Variants in CAMK2G observed in about 807,000 individuals in gnomAD.
CAMK2G encodes the protein calcium/calmodulin dependent protein kinase II gamma.
Under a neutral mutation model 88.7 loss-of-function variants are expected in CAMK2G, and 23 were observed. The observed-to-expected ratio is 0.26, with a 90% CI of 0.19 to 0.37. CAMK2G has a LOEUF of 0.37. Among genes scored for constraint, CAMK2G ranks in the 10% least tolerant of loss-of-function variants. The pLI is 1.00. For missense variants in CAMK2G, 476 were observed against 780.8 expected (o/e 0.61, Z 4.65); for synonymous variants, 263 against 294.8 (o/e 0.89, Z 1.11).
chr10:73,873,888 GGGTGCCGC>G, intron 1 of CAMK2G, among the ~76,000 whole-genome samples: 1 of 138,068 alleles, frequency 7.2e-6, no homozygotes, highest in Non-Finnish European at 1.6e-5. Flanking sequence ...GAGGGGACGG[GGGTGCCGC>G]AGCACTGCCC....
intron 21 of CAMK2G, 67 bp from the exon 22 acceptor site, chr10:73,815,314 G>A (rs2085027525): frequency 3.9e-6 from 4 of 1,026,976 alleles, no homozygotes; most frequent in Non-Finnish European, 4.5e-6. Context: ...CTCCCAGCCT[G>A]CACTTCCAAG....
At chr10:73,846,891 G>A in intron 10 of CAMK2G, 1 of 246,762 alleles carries the variant, frequency 4.1e-6, no homozygotes, top group South Asian at 7.3e-5. Flanking sequence ...ACCCCAGCTT[G>A]GGAATTCACT....
At chr10:73,817,348 GGA>G in intron 20 of CAMK2G, 129 bp downstream of exon 20, 1 of 814,770 alleles carries the variant, frequency 1.2e-6, no homozygotes, top group East Asian at 2.6e-5. Flanking sequence ...TCCCAGTTTA[GGA>G]GAGGGCTTAA....
intron 3 of CAMK2G, among the ~76,000 whole-genome samples, chr10:73,855,210 C>T (rs903643997): frequency 1.3e-5 from 2 of 152,192 alleles, no homozygotes; most frequent in African/African-American, 4.8e-5. Context: ...ACTTGCGCAC[C>T]TCTGGTCTAA....
intron 1 of CAMK2G, chr10:73,873,436 G>T: frequency 8.8e-7 from 1 of 1,142,108 alleles, no homozygotes. Context: ...GAGAACCAGG[G>T]CAGAAGGGAG....
intron 4 of CAMK2G, chr10:73,852,550 C>T: frequency 1.8e-6 from 1 of 547,322 alleles, no homozygotes; most frequent in South Asian, 2.4e-5. Context: ...CCAAAATGCA[C>T]AGATTCACTA....
chr10:73,873,655 C>G (rs2095933267), intron 1 of CAMK2G: 5 of 374,344 alleles, frequency 1.3e-5, no homozygotes, highest in Non-Finnish European at 1.8e-5. Context: ...TCAAGAACTC[C>G]CCTTCCCATG....
chr10:73,830,269 G>C (rs561521738), intron 14 of CAMK2G, among the ~76,000 whole-genome samples: 2 of 152,242 alleles, frequency 1.3e-5, no homozygotes, highest in South Asian at 4.1e-4. Context: ...GTCTAAATGT[G>C]AGGTCTTTTT....
In CAMK2G at chr10:73,853,010, G is replaced by A. The variant is rs145488484; in HGVS notation, c.275+182C>T. 3.6e-3 allele frequency among the ~76,000 whole-genome samples: 554 copies of A among 152,318 alleles called. 2 individuals are homozygous for A. Among genetic ancestry groups the A allele is most frequent in the Non-Finnish European group, 5.7e-3 (389 of 68,020 alleles). ...CTGGGGTTCAGAGCCCTGGGGGGAC[G>A]CTGGGGGAACATGGAGACCCCCTTG... On this transcript the variant is annotated intron_variant, in intron 4 of 22. Coordinates refer to ENST00000423381, the MANE Select transcript of CAMK2G (RefSeq NM_001367534.1).
In CAMK2G at chr10:73,864,061, G is replaced by A. The variant is rs575546281; in HGVS notation, c.161-3172C>T. Among the ~76,000 whole-genome samples the A allele has an allele frequency of 2.3e-3, 351 of 152,258 alleles. 1 individual carries two copies. Among genetic ancestry groups the A allele is most frequent in the Non-Finnish European group, 3.9e-3 (264 of 68,028 alleles). Reference sequence around the variant, plus strand: ...TTCATTCCTTCAAGAAATATTTATCGTGGCTGGGCGCGGTGGGTCACGCCT... The same window carrying A: ...TTCATTCCTTCAAGAAATATTTATCATGGCTGGGCGCGGTGGGTCACGCCT... On this transcript the variant is annotated intron_variant, in intron 2 of 22. Coordinates refer to ENST00000423381, the MANE Select transcript of CAMK2G (RefSeq NM_001367534.1).
Position 73,874,537 on chromosome 10 carries a change from G to T in CAMK2G, c.-76C>A. 1 of 1,051,352 alleles carries T rather than the reference G, an allele frequency of 9.5e-7. No homozygotes were observed. The highest frequency in any genetic ancestry group is 1.3e-6 in the Non-Finnish European group (1 of 767,116). The allele number at this position is 1,051,352 out of a possible 1,614,324, so 65.1% of individuals were successfully genotyped here. A position where few individuals can be genotyped will look rare whatever the true frequency, so the allele number is the denominator to read the frequency against. On this transcript the variant is annotated 5_prime_UTR_variant, in exon 1 of 23. Coordinates refer to ENST00000423381, the MANE Select transcript of CAMK2G (RefSeq NM_001367534.1). ...CAGTCACCGCCGCCCGGCCGAGGGA[G>T]CAAGAGGAGGAGACGGGGCTGAGCC...
chr10:73,844,869 T>G (rs1266963399), intron 10 of CAMK2G, among the ~76,000 whole-genome samples: 2 of 152,188 alleles, frequency 1.3e-5, no homozygotes, highest in East Asian at 3.8e-4. Flanking sequence ...TGGCATCTAA[T>G]GGTCAGAGCC....
At chr10:73,824,788 G>A (rs903193684) in intron 16 of CAMK2G, among the ~76,000 whole-genome samples, 7 of 152,230 alleles carry the variant, frequency 4.6e-5, no homozygotes, top group Admixed American at 3.9e-4. Context: ...GCCAGCATGA[G>A]GCACTCCAGG....
chr10:73,814,697 C>T, intron 22 of CAMK2G, 192 bp from the exon 23 acceptor site: 1 of 340,610 alleles, frequency 2.9e-6, no homozygotes, highest in Non-Finnish European at 5.6e-6. Flanking sequence ...CTTATAGTAT[C>T]TTACTTAATC....
In CAMK2G at chr10:73,825,344, G is replaced by A. The variant is rs753315434; in HGVS notation, c.1090C>T (p.Gln364Ter). Residue 364 changes from glutamine (Q) to a stop codon, truncating the protein, a stop_gained, in exon 16 of 23, where the codon CAG becomes TAG. Coordinates refer to ENST00000423381, the MANE Select transcript of CAMK2G (RefSeq NM_001367534.1). LOFTEE classifies it high-confidence loss of function. ...KSSSSVHLMP[Q>*]SNNKNSLVSP... ...ACGAGACTGTTTTTGTTGTTGCTCT[G>A]TGGCTGAGACAAGAAAACAGATGGT... The A allele has an allele frequency of 1.2e-6, 2 of 1,613,576 alleles. No individual in the cohort carries two copies. The highest frequency in any genetic ancestry group is 1.1e-5 in the South Asian group (1 of 91,068).
chr10:73,824,234 C>CG lies in CAMK2G; in HGVS notation c.1156-151dup, dbSNP rs1435678300. On this transcript the variant is annotated intron_variant, in intron 16 of 22. Transcript: ENST00000423381. ...GCCATCTCCAGAAGACAAAATATCC[C>CG]GGCTCAACTGGGGTCCCGGGCAGCT... 8 of 634,354 alleles carry CG rather than the reference C, an allele frequency of 1.3e-5. No individual in the cohort carries two copies. In the South Asian group the frequency reaches 1.3e-4, roughly 10 times the overall value. The allele number at this position is 634,354 out of a possible 1,614,324, so 39.3% of individuals were successfully genotyped here.
At chr10:73,859,997 T>G (rs2095297781) in intron 3 of CAMK2G, among the ~76,000 whole-genome samples, 1 of 152,196 alleles carries the variant, frequency 6.6e-6, no homozygotes, top group Non-Finnish European at 1.5e-5. Context: ...ACACGTGTTG[T>G]CTTTTGTGAT....
At chr10:73,814,652 G>A in intron 22 of CAMK2G, 147 bp from the exon 23 acceptor site, 1 of 228,480 alleles carries the variant, frequency 4.4e-6, no homozygotes. Context: ...ATACAAAACT[G>A]CCTCCCATTT....
chr10:73,824,466 T>C (rs1296996289), intron 16 of CAMK2G, among the ~76,000 whole-genome samples: 1 of 152,180 alleles, frequency 6.6e-6, no homozygotes, highest in African/African-American at 2.4e-5. Context: ...CCCACAGCGT[T>C]CATCACGGGG....
Sources: allele counts gnomAD v4.1 joint callset (sites outside exome capture counted in the v4.1 genomes callset), GRCh38; gene constraint gnomAD v4.1.1; transcripts MANE v1.5; gene names NCBI Gene and HGNC (gene_info 2026-07-23, HGNC 2026-07-21).